Variants in BTD observed in about 807,000 individuals in gnomAD.
BTD encodes the protein biocytinase.
In BTD, 13 loss-of-function variants were observed where a neutral mutation model predicts 17.7. That is an observed-to-expected ratio of 0.74 (90% CI 0.48 to 1.17). The LOEUF (loss-of-function observed/expected upper bound fraction) is 1.17, where lower values mean the gene tolerates loss of function less well. BTD is among the 50% of genes most tolerant of loss of function. The pLI, the probability that BTD is intolerant of heterozygous loss-of-function variation, is 0.00. For missense variants in BTD, 674 were observed against 650.4 expected (o/e 1.04, Z -0.39); for synonymous variants, 240 against 245.2 (o/e 0.98, Z 0.20).
At chr3:15,685,635 T>C (rs2068021690) in intron 3 of BTD, among the ~76,000 whole-genome samples, 1 of 152,096 alleles carries the variant, frequency 6.6e-6, no homozygotes, top group Non-Finnish European at 1.5e-5. Context: ...CAAGAACCCT[T>C]CTAAAATGCA....
At chr3:15,605,345 T>C (rs1435718036) in intron 1 of BTD, among the ~76,000 whole-genome samples, 1 of 152,160 alleles carries the variant, frequency 6.6e-6, no homozygotes, top group East Asian at 1.9e-4. Context: ...ACTTATTTGC[T>C]ATCACAAGAA....
At chr3:15,697,095 T>A (rs148831505) in intron 3 of BTD, among the ~76,000 whole-genome samples, 1 of 152,206 alleles carries the variant, frequency 6.6e-6, no homozygotes, top group Non-Finnish European at 1.5e-5. Flanking sequence ...ATATACACCA[T>A]GGAATACTAT....
chr3:15,607,801 C>G (rs915586540), intron 1 of BTD, among the ~76,000 whole-genome samples: 17 of 152,078 alleles, frequency 1.1e-4, no homozygotes, highest in African/African-American at 4.1e-4. Flanking sequence ...AAAAAGGAGT[C>G]TATGTAGAAC....
chr3:15,665,132 C>A (rs1575043274), intron 3 of BTD, among the ~76,000 whole-genome samples: 1 of 152,058 alleles, frequency 6.6e-6, no homozygotes, highest in Non-Finnish European at 1.5e-5. Context: ...GGGAATGAGA[C>A]AACCACAAGG....
At position 15,670,482 on chromosome 3, in the gene BTD, T is replaced by A. The variant is rs777520177; in HGVS notation, c.399+28425T>A. The A allele has an allele frequency of 8.1e-6, 13 of 1,613,984 alleles. No individual in the cohort carries two copies. In the East Asian group the frequency reaches 2.9e-4, roughly 36 times the overall value. Reference sequence around the variant, plus strand: ...AAAGGACTACTTGATGAGACAGGCATCATGGTGGCCAAAATGAGAGCCAGG... The same window carrying A: ...AAAGGACTACTTGATGAGACAGGCAACATGGTGGCCAAAATGAGAGCCAGG... On this transcript the variant is annotated intron_variant, in intron 3 of 3. Transcript: ENST00000672141.
intron 3 of BTD, chr3:15,675,900 T>C: frequency 6.2e-7 from 1 of 1,607,046 alleles, no homozygotes; most frequent in African/African-American, 1.3e-5. Context: ...CAACTTACCA[T>C]TTTCATCTAC....
chr3:15,629,103 T>A (rs1371795833), intron 1 of BTD, among the ~76,000 whole-genome samples: 1 of 152,174 alleles, frequency 6.6e-6, no homozygotes, highest in Non-Finnish European at 1.5e-5. Context: ...ATGGTAGAAA[T>A]ACTTTGAAAT....
At chr3:15,603,625 C>G (rs982408195) in intron 1 of BTD, among the ~76,000 whole-genome samples, 1 of 151,966 alleles carries the variant, frequency 6.6e-6, no homozygotes, top group African/African-American at 2.4e-5. Context: ...CCACTGCACT[C>G]CAGCCTGGGG....
intron 3 of BTD, among the ~76,000 whole-genome samples, chr3:15,699,292 T>C (rs925212549): frequency 6.6e-6 from 1 of 152,094 alleles, no homozygotes; most frequent in African/African-American, 2.4e-5. Context: ...AAAAACCCTA[T>C]TAGAAAACCT....
intron 1 of BTD, among the ~76,000 whole-genome samples, chr3:15,622,770 T>G (rs1363548852): frequency 1.3e-5 from 2 of 152,242 alleles, no homozygotes; most frequent in African/African-American, 4.8e-5. Context: ...TTTTATTTCT[T>G]GTTGAATTAA....
At chr3:15,663,021 G>C (rs953651757) in intron 3 of BTD, among the ~76,000 whole-genome samples, 2 of 151,500 alleles carry the variant, frequency 1.3e-5, no homozygotes, top group Non-Finnish European at 2.9e-5. Flanking sequence ...TTTTGAGACG[G>C]AGTTTCGCTC....
intron 1 of BTD, among the ~76,000 whole-genome samples, chr3:15,621,750 C>T (rs1322222087): frequency 2.0e-5 from 3 of 152,118 alleles, no homozygotes; most frequent in Non-Finnish European, 4.4e-5. Context: ...CAGGTGCCCA[C>T]CACCACGCCT....
Position 15,635,086 on chromosome 3 carries a change from C to G in BTD, c.-16-338C>G, listed in dbSNP as rs10510441. Among the ~76,000 whole-genome samples, 5,522 of 152,252 alleles carry G rather than the reference C, an allele frequency of 0.036. 277 individuals carry two copies. Among genetic ancestry groups the G allele is most frequent in the African/African-American group, 0.11 (4,698 of 41,516 alleles). ...TTATGTCAAATAATCTGGATAGTTA[C>G]TACTGCTTAAAATCTAAGTGCACAG... On this transcript the variant is annotated intron_variant, in intron 1 of 3. Transcript: ENST00000643237. This position sits in a 1 kb window ranked among gnomAD's most constrained non-coding sequence, Gnocchi z 4.1.
At position 15,630,436 on chromosome 3, in the gene BTD, C is replaced by A. The variant is rs561293676; in HGVS notation, c.-16-4988C>A. ...TATTCAAATTCCATGTGCAAAAAAG[C>A]CTTCTTACATTAAATACCTGGGCAT... On this transcript the variant is annotated intron_variant, in intron 1 of 3. Transcript: ENST00000643237. Among the ~76,000 whole-genome samples, 4 of 152,220 alleles carry A rather than the reference C, an allele frequency of 2.6e-5. No homozygotes were observed. The South Asian group carries it at 8.3e-4, about 32-fold the overall frequency.
At chr3:15,692,182 T>G (rs1056551692) in intron 3 of BTD, among the ~76,000 whole-genome samples, 1 of 147,192 alleles carries the variant, frequency 6.8e-6, no homozygotes, top group Non-Finnish European at 1.5e-5. Context: ...TTGGGCATGG[T>G]CACTCACACC....
chr3:15,618,251 G>C (rs1036884675), intron 1 of BTD, among the ~76,000 whole-genome samples: 1 of 152,202 alleles, frequency 6.6e-6, no homozygotes, highest in African/African-American at 2.4e-5. Flanking sequence ...ACAGGCATAA[G>C]CCACTGCTCC....
At chr3:15,671,783 C>T (rs1370503365) in intron 3 of BTD, among the ~76,000 whole-genome samples, 1 of 151,932 alleles carries the variant, frequency 6.6e-6, no homozygotes, top group Non-Finnish European at 1.5e-5. Flanking sequence ...TGGGATTTCG[C>T]TATGTTGGCC....
chr3:15,673,936 G>A (rs2066637103), intron 3 of BTD, among the ~76,000 whole-genome samples: 1 of 152,058 alleles, frequency 6.6e-6, no homozygotes, highest in Admixed American at 6.5e-5. Flanking sequence ...AGCACTCTGG[G>A]AGGCTGAGGT....
At position 15,631,452 on chromosome 3, in the gene BTD, A is replaced by G. The variant is rs959059466; in HGVS notation, c.-16-3972A>G. 1.1e-5 allele frequency: 17 copies of G among 1,535,196 alleles called. No homozygotes were observed. In the East Asian group the frequency reaches 3.9e-4, roughly 35 times the overall value. On this transcript the variant is annotated intron_variant, in intron 1 of 3. Coordinates refer to ENST00000643237, the MANE Select transcript of BTD (RefSeq NM_001370658.1). ...AAGACACTATTGTAATAGCATGGCT[A>G]GGAAGGAAACACAGCTAATTATTAA...
Sources: gnomAD v4.1 joint callset for allele counts (sites outside exome capture counted in the v4.1 genomes callset) on GRCh38, gnomAD v4.1.1 for gene constraint, Gnocchi (gnomAD v3.1) non-coding constraint, MANE v1.5 for transcripts, NCBI Gene and HGNC (gene_info 2026-07-23, HGNC 2026-07-21) for gene names.